Variants in LRBA observed in about 807,000 individuals in gnomAD.
LRBA encodes the protein LPS responsive beige-like anchor protein.
A neutral mutation model predicts 330.0 loss-of-function variants in LRBA; 176 were observed. The ratio of observed to expected loss-of-function variants is 0.53; its 90% confidence interval spans 0.47 to 0.60. The LOEUF is 0.60. LRBA is among the 20% of genes least tolerant of loss of function. LRBA has a pLI of 0.00. For missense variants in LRBA, 3,259 were observed against 3,444.8 expected, an observed-to-expected ratio of 0.95 and a Z score of 1.35; for synonymous variants, 1,230 against 1,193.0, an observed-to-expected ratio of 1.03 and a Z score of -0.64.
chr4:150,605,674 A>G (rs893153900), intron 37 of LRBA, among the ~76,000 whole-genome samples: 3 of 152,170 alleles, frequency 2.0e-5, no homozygotes, highest in African/African-American at 7.2e-5. Context: ...AAGTTCTAGA[A>G]AGGTTTCACA....
intron 47 of LRBA, among the ~76,000 whole-genome samples, chr4:150,382,042 A>T (rs1742347728): frequency 6.6e-6 from 1 of 152,296 alleles, no homozygotes; most frequent in East Asian, 1.9e-4. Flanking sequence ...AGAGTCCCTT[A>T]TATAATCTGC....
rs116996942 is a variant in LRBA, at chr4:150,597,032, G to A, written c.6046+1975C>T. Reference sequence around the variant, plus strand: ...ACGCAAGTTTTGTTTTTAACATTTTGGAGTATGACAATAATCATAAAATTA... The same window carrying A: ...ACGCAAGTTTTGTTTTTAACATTTTAGAGTATGACAATAATCATAAAATTA... On this transcript the variant is annotated intron_variant, in intron 38 of 56. Transcript: ENST00000651943. 5.4e-4 allele frequency: 483 copies of A among 900,998 alleles called. 4 individuals carry two copies. In the East Asian group the frequency reaches 0.012, roughly 22 times the overall value. The allele number at this position is 900,998 out of a possible 1,614,324, so 55.8% of individuals were successfully genotyped here.
At chr4:150,999,810 T>C (rs1275164141) in intron 2 of LRBA, among the ~76,000 whole-genome samples, 1 of 152,122 alleles carries the variant, frequency 6.6e-6, no homozygotes, top group African/African-American at 2.4e-5. Context: ...GCACATACTA[T>C]GTGTCAAGTA....
At chr4:150,689,132 A>C (rs1165751539) in intron 36 of LRBA, among the ~76,000 whole-genome samples, 1 of 152,230 alleles carries the variant, frequency 6.6e-6, no homozygotes, top group Non-Finnish European at 1.5e-5. Context: ...TGCAGCCATA[A>C]AAAAGAATGA....
intron 40 of LRBA, among the ~76,000 whole-genome samples, chr4:150,532,917 T>C (rs890564701): frequency 3.9e-5 from 6 of 152,240 alleles, no homozygotes; most frequent in East Asian, 3.9e-4. Flanking sequence ...AAAAAAACTA[T>C]CCTTTTGGGA....
intron 35 of LRBA, among the ~76,000 whole-genome samples, chr4:150,758,124 G>A (rs1734562137): frequency 6.6e-6 from 1 of 152,176 alleles, no homozygotes; most frequent in Non-Finnish European, 1.5e-5. Flanking sequence ...TACAGGTCCA[G>A]TAGACACCTG....
At chr4:150,918,865 G>C (rs1004205815) in intron 5 of LRBA, among the ~76,000 whole-genome samples, 10 of 152,140 alleles carry the variant, frequency 6.6e-5, no homozygotes, top group Admixed American at 2.6e-4. Flanking sequence ...AAACAGTCTG[G>C]AAGTTCATCA....
chr4:150,444,518 G>T (rs1041124617), intron 44 of LRBA, among the ~76,000 whole-genome samples: 31 of 152,082 alleles, frequency 2.0e-4, no homozygotes, highest in African/African-American at 7.5e-4. Flanking sequence ...ACTCAACCTT[G>T]GCTTTTAGGG....
chr4:150,434,481 C>T (rs567086680), intron 46 of LRBA, among the ~76,000 whole-genome samples: 4 of 152,090 alleles, frequency 2.6e-5, no homozygotes, highest in Non-Finnish European at 2.9e-5. Context: ...ATTTCAAGAA[C>T]GGGTACATAG....
chr4:150,683,500 C>T (rs1426521962), intron 37 of LRBA, 51 bp downstream of exon 37: 3 of 1,428,204 alleles, frequency 2.1e-6, no homozygotes, highest in Non-Finnish European at 2.9e-6. Flanking sequence ...TTATCTAAAC[C>T]TAAGCCATCT....
intron 53 of LRBA, among the ~76,000 whole-genome samples, chr4:150,288,310 G>A (rs1445209552): frequency 6.7e-6 from 1 of 150,332 alleles, no homozygotes; most frequent in Admixed American, 6.6e-5. Flanking sequence ...GAAGTATACT[G>A]TTTTAAAAAG....
Position 150,798,155 on chromosome 4 carries a change from G to C in LRBA, c.5519-13C>G. ...ATGCAAACCAGACCTATTTTAAAGA[G>C]AATTTTAAAAAAGAAGTTATAAAGA... On this transcript the variant is annotated splice_polypyrimidine_tract_variant and intron_variant, in intron 33 of 56. Coordinates refer to ENST00000651943, the MANE Select transcript of LRBA (RefSeq NM_001364905.1). The C allele has an allele frequency of 6.4e-7, 1 of 1,556,036 alleles. No homozygotes were observed. The highest frequency in any genetic ancestry group is 2.3e-5 in the East Asian group (1 of 44,434).
At chr4:150,863,342 T>C (rs1412054128) in intron 22 of LRBA, among the ~76,000 whole-genome samples, 4 of 152,128 alleles carry the variant, frequency 2.6e-5, no homozygotes, top group Admixed American at 6.6e-5. Flanking sequence ...TTTAAAATTA[T>C]ATATTTTTCA....
rs1368669227 is a variant in LRBA at position 150,916,613 on chromosome 4, A to T, written c.767+4T>A. The T allele has an allele frequency of 3.1e-6, 5 of 1,597,076 alleles. No homozygotes were observed. In the African/African-American group the frequency reaches 6.8e-5, roughly 22 times the overall value. On this transcript the variant is annotated splice_donor_region_variant and intron_variant, in intron 6 of 56. Coordinates refer to ENST00000651943, the MANE Select transcript of LRBA (RefSeq NM_001364905.1). ...TAACACTAATCAGTTACAGAAATAC[A>T]TACCAATACAAATATGGTTTATCCT...
chr4:150,797,524 G>A (rs1379186990), intron 34 of LRBA, among the ~76,000 whole-genome samples: 2 of 151,788 alleles, frequency 1.3e-5, no homozygotes, highest in Non-Finnish European at 2.9e-5. Flanking sequence ...AATCATTAAA[G>A]TTTACCACAT....
chr4:150,687,537 A>C (rs944850746), intron 36 of LRBA, among the ~76,000 whole-genome samples: 3 of 152,124 alleles, frequency 2.0e-5, no homozygotes, highest in African/African-American at 7.2e-5. Context: ...TTTGACTATA[A>C]AAAGAAAAAA....
intron 43 of LRBA, among the ~76,000 whole-genome samples, chr4:150,471,088 C>G (rs942399053): frequency 1.3e-5 from 2 of 151,996 alleles, no homozygotes; most frequent in African/African-American, 4.8e-5. Context: ...TTATTTTTTC[C>G]CATTATATCT....
At chr4:150,564,232 G>A (rs1027637134) in intron 40 of LRBA, among the ~76,000 whole-genome samples, 14 of 151,874 alleles carry the variant, frequency 9.2e-5, no homozygotes, top group African/African-American at 9.7e-5. Context: ...AAATAACACC[G>A]CACATCTACA....
intron 49 of LRBA, 49 bp downstream of exon 49, chr4:150,325,760 C>T (rs767618005): frequency 8.5e-5 from 103 of 1,210,702 alleles, no homozygotes; most frequent in East Asian, 2.1e-4. Context: ...GAATATCAAG[C>T]GGATCTGAAG....
Sources: allele counts gnomAD v4.1 joint callset (sites outside exome capture counted in the v4.1 genomes callset), GRCh38; gene constraint gnomAD v4.1.1; transcripts MANE v1.5; gene names NCBI Gene and HGNC (gene_info 2026-07-23, HGNC 2026-07-21).